The following FIBCD1 variants were observed in gnomAD, a reference collection of about 807,000 sequenced individuals.
FIBCD1 encodes the protein fibrinogen C domain containing 1.
In FIBCD1, 47 loss-of-function variants were observed where a neutral mutation model predicts 45.1. The observed-to-expected ratio is 1.04, with a 90% CI of 0.82 to 1.33. FIBCD1 has a LOEUF of 1.33. Among genes scored for constraint, FIBCD1 ranks in the 40% most tolerant of loss-of-function variants. FIBCD1 has a pLI of 0.00. For missense variants in FIBCD1, 653 were observed against 682.2 expected (o/e 0.96, Z 0.48); for synonymous variants, 313 against 308.1 (o/e 1.02, Z -0.17).
rs1372793223 is a variant in FIBCD1 at position 130,938,578 on chromosome 9, G to C, written c.30C>G (p.Gly10=). The change falls in exon 1 of 7, where the codon GGC becomes GGG. Residue 10 remains glycine (G), a synonymous_variant. Transcript: ENST00000372338. Reference sequence around the variant, plus strand: ...GCCGGTCCTCAAGTTGGGCAGCGCCGCCCATGGTCTTCCACCGGTCGTTGA... The same window carrying C: ...GCCGGTCCTCAAGTTGGGCAGCGCCCCCCATGGTCTTCCACCGGTCGTTGA... MVNDRWKTM[G]GAAQLEDRPR... 2 of 1,488,070 alleles carry C rather than the reference G, an allele frequency of 1.3e-6. No individual in the cohort carries two copies. The highest frequency in any genetic ancestry group is 2.5e-5 in the South Asian group (2 of 79,156). 92.2% of individuals were successfully genotyped at this position (1,488,070 alleles called of 1,614,324 possible). A position where few individuals can be genotyped will look rare whatever the true frequency, so the allele number is the denominator to read the frequency against.
intron 4 of FIBCD1, among the ~76,000 whole-genome samples, chr9:130,918,051 G>A (rs772301588): frequency 6.6e-6 from 1 of 152,200 alleles, no homozygotes; most frequent in African/African-American, 2.4e-5. Context: ...AGCCCCATGA[G>A]AGACGACGCA....
At chr9:130,915,367 G>A (rs911870136) in intron 4 of FIBCD1, among the ~76,000 whole-genome samples, 12 of 152,272 alleles carry the variant, frequency 7.9e-5, no homozygotes, top group East Asian at 3.9e-4. Context: ...ACATACGGCC[G>A]GCACTCCTGT....
chr9:130,904,569 C>A (rs1412042805), intron 6 of FIBCD1, among the ~76,000 whole-genome samples: 4 of 150,910 alleles, frequency 2.7e-5, no homozygotes, highest in African/African-American at 9.7e-5. Context: ...GCCCCTGGGT[C>A]TAGGCGGTCT....
chr9:130,926,690 C>T lies in FIBCD1; in HGVS notation c.553-2294G>A, dbSNP rs961426799. Among the ~76,000 whole-genome samples the T allele has an allele frequency of 7.2e-5, 11 of 152,020 alleles. No homozygotes were observed. The highest frequency in any genetic ancestry group is 4.2e-4 in the South Asian group (2 of 4,804). ...CAAAAAAATTAGCCGGGCGTGGTGG[C>T]GGGCGCCTGTAGTCCCAGCTACTCA... On this transcript the variant is annotated intron_variant, in intron 2 of 6. Coordinates refer to ENST00000372338, the MANE Select transcript of FIBCD1 (RefSeq NM_032843.5). The surrounding 1 kb of genome is among the most constrained non-coding windows in gnomAD (Gnocchi z 4.1).
At chr9:130,916,705 G>C (rs1832166846) in intron 4 of FIBCD1, among the ~76,000 whole-genome samples, 1 of 152,372 alleles carries the variant, frequency 6.6e-6, no homozygotes, top group South Asian at 2.1e-4. Context: ...GAGGACCAGT[G>C]GGATGGGAGG....
intron 2 of FIBCD1, among the ~76,000 whole-genome samples, chr9:130,928,683 C>A (rs959126743): frequency 6.6e-6 from 1 of 151,294 alleles, no homozygotes; most frequent in Non-Finnish European, 1.5e-5. Context: ...CTTGGGCGCC[C>A]GTGGGGGCAG....
chr9:130,908,699 T>C (rs1831980557), intron 5 of FIBCD1, among the ~76,000 whole-genome samples: 1 of 152,170 alleles, frequency 6.6e-6, no homozygotes, highest in Admixed American at 6.5e-5. Flanking sequence ...TTGGGGACGA[T>C]GCATGGGAAG....
chr9:130,909,770 AAAG>A (rs1405447705), intron 5 of FIBCD1, among the ~76,000 whole-genome samples: 2 of 150,542 alleles, frequency 1.3e-5, no homozygotes, highest in African/African-American at 2.5e-5. Flanking sequence ...TAAAAAAAAA[AAAG>A]AAATGTTAAG....
chr9:130,935,732 T>C (rs1832508932), intron 1 of FIBCD1, among the ~76,000 whole-genome samples: 1 of 152,220 alleles, frequency 6.6e-6, no homozygotes, highest in Non-Finnish European at 1.5e-5. Context: ...TAGGCACTTG[T>C]CTGCTGTCCA....
Position 130,904,053 on chromosome 9 carries a change from G to A in FIBCD1, c.*11C>T. ...CAGGGACCAGCAGGGCCAAGGACAAGGTGCACCAGTCTAGCGGTCCTCCCG... is the reference window on the plus strand; with the variant it reads ...CAGGGACCAGCAGGGCCAAGGACAAAGTGCACCAGTCTAGCGGTCCTCCCG... On this transcript the variant is annotated 3_prime_UTR_variant, in exon 7 of 7. Coordinates refer to ENST00000372338, the MANE Select transcript of FIBCD1 (RefSeq NM_032843.5). 2 of 1,611,232 alleles carry A rather than the reference G, an allele frequency of 1.2e-6. No individual in the cohort carries two copies. The highest frequency in any genetic ancestry group is 1.6e-4 in the Middle Eastern group (1 of 6,062).
At chr9:130,909,384 G>A (rs182951740) in intron 5 of FIBCD1, among the ~76,000 whole-genome samples, 9 of 152,256 alleles carry the variant, frequency 5.9e-5, no homozygotes, top group Non-Finnish European at 4.4e-5. Context: ...GATGACACTC[G>A]GGGCACACAT....
chr9:130,914,656 G>T (rs1158619084), intron 4 of FIBCD1, among the ~76,000 whole-genome samples: 5 of 152,232 alleles, frequency 3.3e-5, no homozygotes, highest in Non-Finnish European at 7.3e-5. Context: ...TCCAGAATGA[G>T]AGCAAGAAGC....
chr9:130,911,847 C>A lies in FIBCD1; in HGVS notation c.891G>T (p.Arg297=), dbSNP rs552451805. ...AGCCGTCTCGGTACGCATCCCAGCCCCGGAAGAAGTTCACGGAGCCGTCCT... is the reference window on the plus strand; with the variant it reads ...AGCCGTCTCGGTACGCATCCCAGCCACGGAAGAAGTTCACGGAGCCGTCCT... ...RREDGSVNFF[R]GWDAYRDGFG... Residue 297 remains arginine, a synonymous_variant, in exon 5 of 7, where the codon CGG becomes CGT. Coordinates refer to ENST00000372338, the MANE Select transcript of FIBCD1 (RefSeq NM_032843.5). 6.2e-7 allele frequency: 1 copy of A among 1,602,876 alleles called. No individual in the cohort carries two copies. Among genetic ancestry groups the A allele is most frequent in the Non-Finnish European group, 8.5e-7 (1 of 1,175,632 alleles).
chr9:130,918,045 C>T (rs566841868), intron 4 of FIBCD1, among the ~76,000 whole-genome samples: 1 of 152,338 alleles, frequency 6.6e-6, no homozygotes, highest in East Asian at 1.9e-4. Context: ...GCTCACAGCC[C>T]CATGAGAGAC....
intron 2 of FIBCD1, among the ~76,000 whole-genome samples, chr9:130,928,991 G>A (rs1339658559): frequency 6.6e-6 from 1 of 152,044 alleles, no homozygotes; most frequent in East Asian, 1.9e-4. Flanking sequence ...GAGCTGGCTG[G>A]AGCCTGGCTT....
rs1253021151 is a variant in FIBCD1 at position 130,905,355 on chromosome 9, C to T, written c.1005G>A (p.Leu335=). The change falls in exon 6 of 7, where the codon CTG becomes CTA. Residue 335 remains leucine, a synonymous_variant. Coordinates refer to ENST00000372338, the MANE Select transcript of FIBCD1 (RefSeq NM_032843.5). The stretch of plus-strand genomic sequence containing the variant: ...AGGCCGTGCCATTCTCAAAGTCCTC[C>T]AGGTCCACGTGCAGCTCGTAGGCAG... The part of the protein sequence containing the change: ...TQAAYELHVD[L]EDFENGTAYA... 1 of 1,613,916 alleles carries T rather than the reference C, an allele frequency of 6.2e-7. No individual in the cohort carries two copies.
intron 1 of FIBCD1, among the ~76,000 whole-genome samples, chr9:130,937,433 T>C (rs1337786570): frequency 6.6e-6 from 1 of 152,084 alleles, no homozygotes; most frequent in African/African-American, 2.4e-5. Flanking sequence ...AGTGAGGTAG[T>C]GCCGATGAAT....
intron 6 of FIBCD1, 90 bp from the exon 7 acceptor site, chr9:130,904,413 G>C: frequency 6.6e-7 from 1 of 1,505,988 alleles, no homozygotes; most frequent in South Asian, 1.3e-5. Context: ...GACACTGCAC[G>C]TGCACCTGGA....
intron 5 of FIBCD1, among the ~76,000 whole-genome samples, chr9:130,908,889 G>A (rs1481977283): frequency 6.6e-6 from 1 of 152,060 alleles, no homozygotes; most frequent in Non-Finnish European, 1.5e-5. Flanking sequence ...TCTTGCCCAG[G>A]GGCCTCCATG....
Sources: allele counts gnomAD v4.1 joint callset (sites outside exome capture counted in the v4.1 genomes callset), GRCh38; gene constraint gnomAD v4.1.1; non-coding constraint Gnocchi (gnomAD v3.1); transcripts MANE v1.5; gene names NCBI Gene and HGNC (gene_info 2026-07-23, HGNC 2026-07-21).